PCDHGB6: variants seen among roughly 807,000 people sequenced by gnomAD.
The protein encoded by PCDHGB6 is protocadherin gamma-B6.
Under a neutral mutation model 59.1 loss-of-function variants are expected in PCDHGB6, and 51 were observed. The ratio of observed to expected loss-of-function variants is 0.86; its 90% CI spans 0.69 to 1.09. The LOEUF (loss-of-function observed/expected upper bound fraction) is 1.09. PCDHGB6 is among the 50% of genes least tolerant of loss of function. The pLI is 0.00. For synonymous variants in PCDHGB6, 466 were observed against 495.1 expected (o/e 0.94, Z 0.78); for missense variants, 1,148 against 1,205.1 (o/e 0.95, Z 0.70).
In PCDHGB6 at chr5:141,499,962, A is replaced by G. The variant is rs147527188; in HGVS notation, c.2477+5097A>G. Among the ~76,000 whole-genome samples the G allele has an allele frequency of 3.7e-3, 563 of 152,178 alleles. 5 individuals are homozygous for G. Among genetic ancestry groups the G allele is most frequent in the Admixed American group, 0.011 (164 of 15,288 alleles). On this transcript the variant is annotated intron_variant, in intron 2 of 3. Coordinates refer to ENST00000520790, the MANE Select transcript of PCDHGB6 (RefSeq NM_018926.3). ...CTCGGCCTCCCAAAATGTTGGGATT[A>G]CAGGTGTGAGCCACCTTGCCCGGCC...
At chr5:141,420,412 T>A in intron 1 of PCDHGB6, 1 of 1,225,004 alleles carries the variant, frequency 8.2e-7, no homozygotes, top group Non-Finnish European at 1.1e-6. Flanking sequence ...TGGTTATCAT[T>A]ATTAAAACAA....
Position 141,431,354 on chromosome 5 carries a change from G to GCC in PCDHGB6, c.2418+20736_2418+20737dup. The GCC allele has an allele frequency of 6.2e-7, 1 of 1,614,036 alleles. No individual in the cohort carries two copies. Among genetic ancestry groups the GCC allele is most frequent in the African/African-American group, 1.3e-5 (1 of 75,052 alleles). On this transcript the variant is annotated intron_variant, in intron 1 of 3. Transcript: ENST00000520790. This position sits in a 1 kb window ranked among gnomAD's most constrained non-coding sequence, Gnocchi z 4.8. Reference sequence around the variant, plus strand: ...GTACCCCGAATTGGTGCTGAAACGCGCCCTGGACCGCGAAGAAAAGGCTGC... The same window carrying GCC: ...GTACCCCGAATTGGTGCTGAAACGCGCCCCCTGGACCGCGAAGAAAAGGCTGC...
intron 2 of PCDHGB6, among the ~76,000 whole-genome samples, chr5:141,503,851 A>C (rs1484022055): frequency 6.6e-6 from 1 of 152,116 alleles, no homozygotes; most frequent in Non-Finnish European, 1.5e-5. Context: ...CCTTGGAAAA[A>C]TTGTAAAGCA....
At chr5:141,437,497 T>A (rs2097889891) in intron 1 of PCDHGB6, among the ~76,000 whole-genome samples, 1 of 152,190 alleles carries the variant, frequency 6.6e-6, no homozygotes, top group Non-Finnish European at 1.5e-5. Flanking sequence ...TAGATCACTT[T>A]TCAATGAATT....
intron 2 of PCDHGB6, among the ~76,000 whole-genome samples, chr5:141,503,800 C>T (rs756250566): frequency 1.3e-5 from 2 of 151,994 alleles, no homozygotes; most frequent in South Asian, 2.1e-4. Flanking sequence ...TACTTAGGGA[C>T]GGGGAATCCC....
At chr5:141,413,383 A>G in intron 1 of PCDHGB6, 1 of 1,613,998 alleles carries the variant, frequency 6.2e-7, no homozygotes, top group Non-Finnish European at 8.5e-7. Context: ...CGGAGTCCGC[A>G]TAGTCTCCAG....
chr5:141,490,331 C>G lies in PCDHGB6; in HGVS notation c.2419-4476C>G. 6.2e-7 allele frequency: 1 copy of G among 1,614,214 alleles called. No individual in the cohort carries two copies. The highest frequency in any genetic ancestry group is 1.1e-5 in the South Asian group (1 of 91,086). The stretch of plus-strand genomic sequence containing the variant: ...GCCAACCCTGTCCTAGAGAGCACAC[C>G]AGTGGGCACAGTAGTGGGGTTGTTT... On this transcript the variant is annotated intron_variant, in intron 1 of 3. Transcript: ENST00000520790. This position sits in a 1 kb window ranked among gnomAD's most constrained non-coding sequence, Gnocchi z 5.4.
At chr5:141,510,378 C>T (rs919650449) in intron 3 of PCDHGB6, among the ~76,000 whole-genome samples, 1 of 151,688 alleles carries the variant, frequency 6.6e-6, no homozygotes, top group African/African-American at 2.4e-5. Flanking sequence ...TCTACTCGTG[C>T]CAGGCCTTGC....
chr5:141,446,747 G>A (rs997132200), intron 1 of PCDHGB6, among the ~76,000 whole-genome samples: 10 of 152,190 alleles, frequency 6.6e-5, no homozygotes, highest in African/African-American at 1.4e-4. Context: ...GATTACAGGC[G>A]TGAGCCACCG....
chr5:141,504,949 G>A (rs1234166109), intron 2 of PCDHGB6, among the ~76,000 whole-genome samples: 5 of 152,098 alleles, frequency 3.3e-5, no homozygotes, highest in Non-Finnish European at 1.5e-5. Context: ...AATGCACTAT[G>A]TTCAATGCAT....
chr5:141,417,893 G>T (rs766340497), intron 1 of PCDHGB6: 2 of 1,572,670 alleles, frequency 1.3e-6, no homozygotes, highest in Admixed American at 1.9e-5. Flanking sequence ...GCGCCGGGCC[G>T]GCCCGCGGCA....
intron 1 of PCDHGB6, among the ~76,000 whole-genome samples, chr5:141,437,514 C>G (rs2097891371): frequency 6.6e-6 from 1 of 152,114 alleles, no homozygotes; most frequent in South Asian, 2.1e-4. Flanking sequence ...AATTATAAGG[C>G]TGATGACAAA....
chr5:141,491,138 C>T lies in PCDHGB6; in HGVS notation c.2419-3669C>T. The T allele has an allele frequency of 1.2e-6, 2 of 1,614,106 alleles. No individual in the cohort carries two copies. The highest frequency in any genetic ancestry group is 1.7e-6 in the Non-Finnish European group (2 of 1,179,962). On this transcript the variant is annotated intron_variant, in intron 1 of 3. Transcript: ENST00000520790. The surrounding 1 kb of genome is among the most constrained non-coding windows in gnomAD (Gnocchi z 6.9). ...ACTGGTGAGGTGCGCACAGCCCGGG[C>T]CTTACTGGAGGATGACTCTGACACC...
chr5:141,408,274 G>T lies in PCDHGB6; in HGVS notation c.72G>T (p.Leu24Phe), dbSNP rs773254664. Reference protein sequence around the residue: ...RQVLFPLLLPLFYPTLSEPIR... With the variant: ...RQVLFPLLLPFFYPTLSEPIR... ...TGCTATTTCCTTTGCTGCTGCCTTT[G>T]TTCTACCCCACCCTGAGTGAGCCGA... Residue 24 changes from leucine to phenylalanine, a missense_variant, in exon 1 of 4, where the codon TTG becomes TTT. By Grantham distance (22) the Leu-to-Phe change is conservative. Coordinates refer to ENST00000520790, the MANE Select transcript of PCDHGB6 (RefSeq NM_018926.3). The T allele has an allele frequency of 1.2e-6, 2 of 1,611,590 alleles. No individual in the cohort carries two copies. Among genetic ancestry groups the T allele is most frequent in the Non-Finnish European group, 1.7e-6 (2 of 1,178,660 alleles).
chr5:141,423,058 A>T (rs1235938743), intron 1 of PCDHGB6: 1 of 1,614,022 alleles, frequency 6.2e-7, no homozygotes, highest in Non-Finnish European at 8.5e-7. Context: ...TCGCCTGCTT[A>T]AGGCCAGCGA....
chr5:141,451,955 A>T (rs1004010741), intron 1 of PCDHGB6, among the ~76,000 whole-genome samples: 2 of 152,196 alleles, frequency 1.3e-5, no homozygotes, highest in Admixed American at 1.3e-4. Flanking sequence ...CGAGAAAGTG[A>T]CATACCATCA....
At position 141,489,425 on chromosome 5, in the gene PCDHGB6, G is replaced by C. The variant is rs779739693; in HGVS notation, c.2419-5382G>C. On this transcript the variant is annotated intron_variant, in intron 1 of 3. Transcript: ENST00000520790. This position sits in a 1 kb window ranked among gnomAD's most constrained non-coding sequence, Gnocchi z 4.5. ...TTAAAGATGACAGATCTGTTGAGCC[G>C]GCGGCTGCAATTGGGCTCTGAGGAG... The C allele has an allele frequency of 4.3e-6, 7 of 1,614,118 alleles. No individual in the cohort carries two copies. The highest frequency in any genetic ancestry group is 1.1e-5 in the South Asian group (1 of 91,070).
At chr5:141,422,272 A>G in intron 1 of PCDHGB6, 1 of 1,561,362 alleles carries the variant, frequency 6.4e-7, no homozygotes, top group Non-Finnish European at 8.6e-7. Context: ...TCCAGAAATA[A>G]CTATCACCTC....
At position 141,473,299 on chromosome 5, in the gene PCDHGB6, G is replaced by A. The variant is rs182316672; in HGVS notation, c.2419-21508G>A. The stretch of plus-strand genomic sequence containing the variant: ...TATTTTACTATGTCAGTAGCATAAA[G>A]ATTGCTATATTAATAAGCATTAAGT... On this transcript the variant is annotated intron_variant, in intron 1 of 3. Coordinates refer to ENST00000520790, the MANE Select transcript of PCDHGB6 (RefSeq NM_018926.3). 5.6e-4 allele frequency among the ~76,000 whole-genome samples: 86 copies of A among 152,346 alleles called. 1 individual carries two copies. The highest frequency in any genetic ancestry group is 1.9e-3 in the African/African-American group (81 of 41,572).
Sources: gnomAD v4.1 joint callset for allele counts (sites outside exome capture counted in the v4.1 genomes callset) on GRCh38, gnomAD v4.1.1 for gene constraint, Gnocchi (gnomAD v3.1) non-coding constraint, MANE v1.5 for transcripts, NCBI Gene and HGNC (gene_info 2026-07-23, HGNC 2026-07-21) for gene names.